Variants in SGCZ observed in about 807,000 individuals in gnomAD.
SGCZ encodes zeta-sarcoglycan.
Under a neutral mutation model 41.3 loss-of-function variants are expected in SGCZ, and 40 were observed. The ratio of observed to expected loss-of-function variants is 0.97; its 90% CI spans 0.75 to 1.26. The LOEUF is 1.26. SGCZ is among the 50% of genes most tolerant of loss of function. The pLI, the probability that SGCZ is intolerant of heterozygous loss-of-function variation, is 0.00. For missense variants in SGCZ, 552 were observed against 369.8 expected (o/e 1.49, Z -4.04); for synonymous variants, 206 against 137.5 (o/e 1.50, Z -3.49).
chr8:14,665,119 A>C (rs570768604), intron 1 of SGCZ, among the ~76,000 whole-genome samples: 1 of 152,244 alleles, frequency 6.6e-6, no homozygotes, highest in Non-Finnish European at 1.5e-5. Flanking sequence ...CCATTAACTC[A>C]TCATTTAACA....
chr8:15,157,976 G>C (rs1050646037), intron 1 of SGCZ, among the ~76,000 whole-genome samples: 2 of 152,146 alleles, frequency 1.3e-5, no homozygotes, highest in African/African-American at 4.8e-5. Flanking sequence ...GTGACTGGCA[G>C]AACTGTCCTC....
At chr8:14,996,318 A>G (rs1802216669) in intron 1 of SGCZ, among the ~76,000 whole-genome samples, 1 of 152,206 alleles carries the variant, frequency 6.6e-6, no homozygotes, top group African/African-American at 2.4e-5. Context: ...TGTCTCTTTA[A>G]CCATGCACCC....
In SGCZ at chr8:14,519,306, T is replaced by G. The variant is rs893923725; in HGVS notation, c.234+35426A>C. Among the ~76,000 whole-genome samples the G allele has an allele frequency of 1.1e-4, 16 of 152,252 alleles. No homozygotes were observed. In the East Asian group the frequency reaches 3.1e-3, roughly 30 times the overall value. On this transcript the variant is annotated intron_variant, in intron 2 of 7. Coordinates refer to ENST00000382080, the MANE Select transcript of SGCZ (RefSeq NM_139167.4). ...AATGGATCTCCTTCCTGGATCTATT[T>G]TCAGCAGAGCAGAAGTGATAAAATA...
chr8:15,096,382 C>T (rs1295869033), intron 1 of SGCZ, among the ~76,000 whole-genome samples: 1 of 152,102 alleles, frequency 6.6e-6, no homozygotes, highest in Non-Finnish European at 1.5e-5. Flanking sequence ...TCCACTGCTC[C>T]TAGCCAAGAA....
At chr8:14,846,701 TCCAAAAAAAAAAAAA>T (rs1218076165) in intron 1 of SGCZ, among the ~76,000 whole-genome samples, 1 of 102,078 alleles carries the variant, frequency 9.8e-6, no homozygotes, top group African/African-American at 4.2e-5. Flanking sequence ...ACCCTTTAAA[TCCAAAAAAAAAAAAA>T]AAAAAAAAAA....
chr8:14,881,025 A>T (rs894849514), intron 1 of SGCZ, among the ~76,000 whole-genome samples: 8 of 152,162 alleles, frequency 5.3e-5, no homozygotes, highest in Non-Finnish European at 8.8e-5. Context: ...AAAGAGTCTT[A>T]GTTCAAGTTG....
At chr8:14,840,072 A>AATTAAT (rs1585308561) in intron 1 of SGCZ, among the ~76,000 whole-genome samples, 1 of 152,156 alleles carries the variant, frequency 6.6e-6, no homozygotes, top group East Asian at 1.9e-4. Flanking sequence ...GTAACATTTA[A>AATTAAT]ATTAATAAAA....
chr8:14,306,283 A>G (rs2116985016), intron 3 of SGCZ, among the ~76,000 whole-genome samples: 1 of 152,358 alleles, frequency 6.6e-6, no homozygotes, highest in Admixed American at 6.5e-5. Flanking sequence ...AAAGTACTTA[A>G]TCAAAAATAG....
chr8:14,908,786 A>AATT (rs1230048088), intron 1 of SGCZ, among the ~76,000 whole-genome samples: 4 of 150,986 alleles, frequency 2.6e-5, no homozygotes, highest in African/African-American at 9.7e-5. Context: ...CAGAGAACCT[A>AATT]ATTCACTATA....
intron 1 of SGCZ, among the ~76,000 whole-genome samples, chr8:14,908,660 G>A (rs910208177): frequency 1.7e-4 from 24 of 144,190 alleles, no homozygotes; most frequent in African/African-American, 6.1e-4. Flanking sequence ...TGAGGCAGGA[G>A]AATCGCTGGA....
chr8:15,007,016 G>T (rs181698555), intron 1 of SGCZ, among the ~76,000 whole-genome samples: 81 of 152,240 alleles, frequency 5.3e-4, no homozygotes, highest in Admixed American at 9.8e-4. Flanking sequence ...AAAAGGAAAG[G>T]GTAGTGTGTT....
chr8:14,953,211 C>A (rs1035515268), intron 1 of SGCZ, among the ~76,000 whole-genome samples: 1 of 152,040 alleles, frequency 6.6e-6, no homozygotes, highest in Non-Finnish European at 1.5e-5. Flanking sequence ...GCTGGGTGAC[C>A]TCAAGAAATT....
rs1800226358 is a variant in SGCZ at position 14,440,691 on chromosome 8, GTATATGTA to G, written c.234+114033_234+114040del. 1.2e-4 allele frequency among the ~76,000 whole-genome samples: 6 copies of G among 50,390 alleles called. No homozygotes were observed. In the South Asian group the frequency reaches 2.0e-3, roughly 17 times the overall value. The allele number at this position is 50,390 out of a possible 152,430, so 33.1% of individuals were successfully genotyped here. A position where few individuals can be genotyped will look rare whatever the true frequency, so the allele number is the denominator to read the frequency against. ...TGTATGTATATACATACGTATACACGTATATGTATATATGTATATACATACGTATACAC... is the reference window on the plus strand; with the variant it reads ...TGTATGTATATACATACGTATACACGTATATGTATATACATACGTATACAC... On this transcript the variant is annotated intron_variant, in intron 2 of 7. Coordinates refer to ENST00000382080, the MANE Select transcript of SGCZ (RefSeq NM_139167.4).
At chr8:14,519,272 C>CT (rs1298452940) in intron 2 of SGCZ, among the ~76,000 whole-genome samples, 5 of 152,000 alleles carry the variant, frequency 3.3e-5, no homozygotes, top group African/African-American at 1.2e-4. Context: ...CAGTTATGTG[C>CT]AGTATCAAAA....
chr8:14,393,004 T>G (rs1030899771), intron 2 of SGCZ, among the ~76,000 whole-genome samples: 9 of 152,172 alleles, frequency 5.9e-5, no homozygotes, highest in African/African-American at 2.2e-4. Context: ...GAACTCAAAC[T>G]GTACTGGTAA....
At chr8:14,745,273 CTGAGA>C in intron 1 of SGCZ, among the ~76,000 whole-genome samples, 1 of 152,198 alleles carries the variant, frequency 6.6e-6, no homozygotes, top group African/African-American at 2.4e-5. Context: ...AACCCACACT[CTGAGA>C]TATGTCCAAG....
intron 1 of SGCZ, among the ~76,000 whole-genome samples, chr8:15,190,750 C>A (rs889845181): frequency 6.6e-6 from 1 of 151,632 alleles, no homozygotes; most frequent in Admixed American, 6.6e-5. Flanking sequence ...TGTTTTGGAG[C>A]CAAAAACTAT....
intron 1 of SGCZ, among the ~76,000 whole-genome samples, chr8:14,559,124 A>G (rs1488126064): frequency 1.3e-5 from 2 of 152,114 alleles, no homozygotes; most frequent in Non-Finnish European, 2.9e-5. Context: ...TAGAAGTCCT[A>G]GTCAGAGCAA....
intron 2 of SGCZ, among the ~76,000 whole-genome samples, chr8:14,547,553 A>T (rs1352761199): frequency 6.6e-6 from 1 of 152,198 alleles, no homozygotes; most frequent in East Asian, 1.9e-4. Flanking sequence ...ACAGCTAATA[A>T]TGCATGGAAA....
Sources: allele counts gnomAD v4.1 joint callset (sites outside exome capture counted in the v4.1 genomes callset), GRCh38; gene constraint gnomAD v4.1.1; transcripts MANE v1.5; gene names NCBI Gene and HGNC (gene_info 2026-07-23, HGNC 2026-07-21).